GALNTL6: variants seen among roughly 807,000 people sequenced by gnomAD.
The protein encoded by GALNTL6 is polypeptide N-acetylgalactosaminyltransferase-like 6.
GALNTL6 carries 46 observed loss-of-function variants against 73.7 expected under a neutral mutation model. The observed-to-expected ratio is 0.62, with a 90% CI of 0.49 to 0.80. The LOEUF is 0.80. GALNTL6 is among the 30% of genes least tolerant of loss of function. The pLI is 0.00. For synonymous variants in GALNTL6, 259 were observed against 263.7 expected (o/e 0.98, Z 0.17); for missense variants, 604 against 755.0 (o/e 0.80, Z 2.34).
intron 2 of GALNTL6, among the ~76,000 whole-genome samples, chr4:172,018,646 A>G (rs1741292125): frequency 6.6e-6 from 1 of 152,080 alleles, no homozygotes; most frequent in Non-Finnish European, 1.5e-5. Context: ...ATGCTGAGAA[A>G]GCAAGTGGGG....
intron 5 of GALNTL6, among the ~76,000 whole-genome samples, chr4:172,463,394 T>C (rs1346978973): frequency 6.6e-6 from 1 of 151,624 alleles, no homozygotes; most frequent in Non-Finnish European, 1.5e-5. Context: ...GTCAGACTTT[T>C]GGATGTGTCA....
intron 5 of GALNTL6, among the ~76,000 whole-genome samples, chr4:172,450,879 T>C (rs888779784): frequency 9.2e-5 from 14 of 152,244 alleles, no homozygotes; most frequent in Admixed American, 8.5e-4. Flanking sequence ...CATTCTCTCA[T>C]GTTAACCTAT....
chr4:172,460,220 C>T (rs895798126), intron 5 of GALNTL6, among the ~76,000 whole-genome samples: 28 of 152,076 alleles, frequency 1.8e-4, no homozygotes, highest in African/African-American at 6.8e-4. Context: ...AAAATTAACT[C>T]AAGATGGATT....
intron 7 of GALNTL6, among the ~76,000 whole-genome samples, chr4:172,862,298 G>A (rs1217782789): frequency 6.6e-6 from 1 of 152,212 alleles, no homozygotes; most frequent in Non-Finnish European, 1.5e-5. Context: ...GTGGCATTTA[G>A]CCCCTGCCCC....
chr4:172,855,691 T>G (rs1744086975), intron 7 of GALNTL6, among the ~76,000 whole-genome samples: 1 of 152,190 alleles, frequency 6.6e-6, no homozygotes, highest in African/African-American at 2.4e-5. Context: ...GACTGGATTC[T>G]ATCACTGGCC....
At chr4:172,365,235 C>G (rs778012481) in intron 5 of GALNTL6, among the ~76,000 whole-genome samples, 12 of 151,966 alleles carry the variant, frequency 7.9e-5, no homozygotes, top group Non-Finnish European at 1.6e-4. Context: ...GTTAGAATGT[C>G]TGTGGTCAGA....
chr4:171,882,157 T>C (rs988968903), intron 2 of GALNTL6, among the ~76,000 whole-genome samples: 12 of 152,246 alleles, frequency 7.9e-5, no homozygotes, highest in African/African-American at 2.9e-4. Context: ...GTGCTTTCAC[T>C]GAGCTTCAGT....
chr4:172,596,445 T>C (rs1389135870), intron 5 of GALNTL6, among the ~76,000 whole-genome samples: 1 of 104,910 alleles, frequency 9.5e-6, no homozygotes, highest in African/African-American at 3.5e-5. Flanking sequence ...ACATTGTCTC[T>C]CAAAAAAAAA....
chr4:172,475,615 A>G (rs1733203576), intron 5 of GALNTL6, among the ~76,000 whole-genome samples: 1 of 152,182 alleles, frequency 6.6e-6, no homozygotes, highest in African/African-American at 2.4e-5. Flanking sequence ...ACTTTGTTTC[A>G]TGGGAATTTT....
intron 5 of GALNTL6, among the ~76,000 whole-genome samples, chr4:172,633,899 G>C (rs931591238): frequency 6.6e-6 from 1 of 152,214 alleles, no homozygotes; most frequent in Non-Finnish European, 1.5e-5. Flanking sequence ...TCTCTTGCCT[G>C]CTGCCATATA....
intron 10 of GALNTL6, among the ~76,000 whole-genome samples, chr4:173,001,133 CAA>C (rs944901443): frequency 6.6e-6 from 1 of 152,132 alleles, no homozygotes; most frequent in African/African-American, 2.4e-5. Flanking sequence ...AAGATTGCCA[CAA>C]ACCACCAGAA....
At chr4:172,405,431 ATATATATATATATTTTTTTTTTT>A (rs1386211045) in intron 5 of GALNTL6, among the ~76,000 whole-genome samples, 382 of 4,306 alleles carry the variant, frequency 0.089, 4 homozygotes, top group Middle Eastern at 0.25. Context: ...ATATATATAT[ATATATATATATATTTTTTTTTTT>A]TTTTTTTTTT....
chr4:171,961,968 C>T (rs1417884103), intron 2 of GALNTL6, among the ~76,000 whole-genome samples: 4 of 152,134 alleles, frequency 2.6e-5, no homozygotes, highest in African/African-American at 9.7e-5. Context: ...GAAAGATAAG[C>T]TTACTCAATG....
At chr4:173,001,133 C>T (rs1024604739) in intron 10 of GALNTL6, among the ~76,000 whole-genome samples, 3 of 152,132 alleles carry the variant, frequency 2.0e-5, no homozygotes, top group African/African-American at 2.4e-5. Flanking sequence ...AAGATTGCCA[C>T]AAACCACCAG....
intron 2 of GALNTL6, among the ~76,000 whole-genome samples, chr4:172,142,908 C>T (rs1252139362): frequency 6.6e-6 from 1 of 151,606 alleles, no homozygotes; most frequent in Non-Finnish European, 1.5e-5. Flanking sequence ...CTCCTGTTGC[C>T]CTATTCTACA....
At chr4:172,889,744 T>C (rs1341296906) in intron 8 of GALNTL6, among the ~76,000 whole-genome samples, 1 of 152,190 alleles carries the variant, frequency 6.6e-6, no homozygotes, top group Non-Finnish European at 1.5e-5. Flanking sequence ...TGTCAGATTT[T>C]GACATCAGGG....
chr4:172,630,263 A>G (rs1739337537), intron 5 of GALNTL6, among the ~76,000 whole-genome samples: 2 of 152,232 alleles, frequency 1.3e-5, no homozygotes, highest in African/African-American at 4.8e-5. Flanking sequence ...TAAAACCTTG[A>G]GACCTGAGGT....
At chr4:171,817,709 G>A (rs1177687534) in intron 2 of GALNTL6, among the ~76,000 whole-genome samples, 3 of 151,296 alleles carry the variant, frequency 2.0e-5, no homozygotes, top group Admixed American at 6.6e-5. Flanking sequence ...AAACAAGGAC[G>A]TAAAAATTAC....
At chr4:172,824,168 T>C (rs1294748099) in intron 7 of GALNTL6, among the ~76,000 whole-genome samples, 1 of 152,154 alleles carries the variant, frequency 6.6e-6, no homozygotes, top group Non-Finnish European at 1.5e-5. Context: ...AAGCCTTACA[T>C]GTGGTGTGCC....
Sources: allele counts gnomAD v4.1 joint callset (sites outside exome capture counted in the v4.1 genomes callset), GRCh38; gene constraint gnomAD v4.1.1; transcripts MANE v1.5; gene names NCBI Gene and HGNC (gene_info 2026-07-23, HGNC 2026-07-21).